RUNDC1: variants seen among roughly 807,000 people sequenced by gnomAD.
The protein encoded by RUNDC1 is RUN domain containing 1.
Under a neutral mutation model 49.3 loss-of-function variants are expected in RUNDC1, and 31 were observed. The observed-to-expected ratio is 0.63, with a 90% confidence interval of 0.47 to 0.85. The LOEUF is 0.85. RUNDC1 is among the 40% of genes least tolerant of loss of function. The pLI, the probability that RUNDC1 is intolerant of heterozygous loss-of-function variation, is 0.00. For missense variants in RUNDC1, 715 were observed against 806.7 expected (o/e 0.89, Z 1.38); for synonymous variants, 347 against 348.6 (o/e 1.00, Z 0.05).
At chr17:42,990,236 G>C in intron 3 of RUNDC1, 81 bp from the exon 4 acceptor site, 1 of 1,538,854 alleles carries the variant, frequency 6.5e-7, no homozygotes, top group Admixed American at 2.1e-5. Flanking sequence ...TTTCTAATAG[G>C]CACCATTAAG....
chr17:42,983,101 G>C (rs149427676), intron 1 of RUNDC1, among the ~76,000 whole-genome samples: 1 of 150,834 alleles, frequency 6.6e-6, no homozygotes, highest in African/African-American at 2.4e-5. Context: ...AGGATCACTT[G>C]AGCCCAGGAG....
At chr17:42,983,862 G>A (rs2050135242) in intron 1 of RUNDC1, among the ~76,000 whole-genome samples, 1 of 151,152 alleles carries the variant, frequency 6.6e-6, no homozygotes, top group Admixed American at 6.6e-5. Flanking sequence ...AGTAGAGATG[G>A]GGTTTTGCCA....
chr17:42,990,351 A>G lies in RUNDC1; in HGVS notation c.891A>G (p.Gly297=). 1.2e-6 allele frequency: 2 copies of G among 1,614,128 alleles called. No homozygotes were observed. Among genetic ancestry groups the G allele is most frequent in the Non-Finnish European group, 1.7e-6 (2 of 1,180,024 alleles). The change falls in exon 4 of 5, where the codon GGA becomes GGG. Residue 297 remains glycine, a synonymous_variant. Coordinates refer to ENST00000361677, the MANE Select transcript of RUNDC1 (RefSeq NM_173079.5). ...EVGSPLQTGG[G]HCECKAGGKT... ...GAAGCCCCTTGCAGACAGGTGGTGG[A>G]CACTGTGAGTGCAAGGCCGGTGGGA...
Position 42,989,341 on chromosome 17 carries a change from G to T in RUNDC1, c.658G>T (p.Val220Leu), listed in dbSNP as rs1272286639. 22 of 1,612,550 alleles carry T rather than the reference G, an allele frequency of 1.4e-5. No homozygotes were observed. Among genetic ancestry groups the T allele is most frequent in the Non-Finnish European group, 1.9e-5 (22 of 1,179,242 alleles). ...TGCTCATTGCTTGTGATCTTGGTAG[G>T]TGATCATAGATGAGTTAATAAAGAA... ...PQSVVLERQR[V>L]IIDELIKKLD... The change falls in exon 3 of 5, where the codon GTG (valine) becomes TTG (leucine). Residue 220 changes from valine to leucine, a missense_variant and splice_region_variant. Val to Leu is a conservative substitution (Grantham distance 32). This residue lies in a region of RUNDC1 where 425 missense variants were observed against 499.7 expected (regional missense o/e 0.85). Transcript: ENST00000361677.
chr17:42,988,003 T>C (rs1277562618), intron 2 of RUNDC1, among the ~76,000 whole-genome samples: 2 of 152,142 alleles, frequency 1.3e-5, no homozygotes, highest in Non-Finnish European at 2.9e-5. Flanking sequence ...CTGCCCACCT[T>C]GGCCTCCCAA....
chr17:42,993,819 C>T lies in RUNDC1; in HGVS notation c.*2103C>T, dbSNP rs946304024. Reference sequence around the variant, plus strand: ...TCTCCTCCTGCCCACGCCTGTAGTCCCTCCCCACAACAGATGTCATCACAC... The same window carrying T: ...TCTCCTCCTGCCCACGCCTGTAGTCTCTCCCCACAACAGATGTCATCACAC... On this transcript the variant is annotated 3_prime_UTR_variant, in exon 5 of 5. Transcript: ENST00000361677. The T allele has an allele frequency of 3.9e-5, 6 of 152,096 alleles. No homozygotes were observed. Among genetic ancestry groups the T allele is most frequent in the African/African-American group, 1.2e-4 (5 of 41,392 alleles). The allele number at this position is 152,096 out of a possible 1,614,324, so 9.4% of individuals were successfully genotyped here.
chr17:42,985,368 A>T (rs745448183), intron 1 of RUNDC1, among the ~76,000 whole-genome samples: 6 of 152,180 alleles, frequency 3.9e-5, no homozygotes, highest in South Asian at 2.1e-4. Context: ...TAGAAGTGTG[A>T]ACAACCTCTA....
chr17:42,980,589 G>T lies in RUNDC1; in HGVS notation c.13G>T (p.Glu5Ter), dbSNP rs372920205. 1.2e-6 allele frequency: 2 copies of T among 1,609,468 alleles called. No individual in the cohort carries two copies. Among genetic ancestry groups the T allele is most frequent in the African/African-American group, 1.3e-5 (1 of 74,934 alleles). Residue 5 changes from glutamate to a stop codon, truncating the protein, a stop_gained, in exon 1 of 5, where the codon GAA (glutamate) becomes TAA (stop). Transcript: ENST00000361677. LOFTEE classifies it high-confidence loss of function. ...TGTTTCCGGGAAGATGGCGGCTGTC[G>T]AAGCGGCTGCAGAGCCGGTAACGGT... MAAV[E>*]AAAEPVTVVA...
chr17:42,986,750 C>T (rs1256776791), intron 1 of RUNDC1, among the ~76,000 whole-genome samples: 4 of 151,984 alleles, frequency 2.6e-5, no homozygotes, highest in Admixed American at 6.6e-5. Flanking sequence ...CCACCCGCCT[C>T]GGCCTCCCAA....
intron 2 of RUNDC1, 131 bp from the exon 3 acceptor site, chr17:42,989,210 C>G (rs916595540): frequency 1.5e-6 from 1 of 661,126 alleles, no homozygotes; most frequent in Non-Finnish European, 2.6e-6. Context: ...GCAGTTAAGT[C>G]ATTTACTTTC....
intron 1 of RUNDC1, chr17:42,981,516 C>G (rs2050087428): frequency 6.0e-6 from 1 of 165,310 alleles, no homozygotes; most frequent in Middle Eastern, 2.5e-3. Flanking sequence ...TTTAGGTTAA[C>G]TCCCTGTCCC....
At position 42,990,861 on chromosome 17, in the gene RUNDC1, G is replaced by A; in HGVS notation, c.987G>A (p.Glu329=). ...GTCTTTTCTAAGCAGCAAAGGCAGAGGATGTGAAGAAAGTCCGGGAGACGG... is the reference window on the plus strand; with the variant it reads ...GTCTTTTCTAAGCAGCAAAGGCAGAAGATGTGAAGAAAGTCCGGGAGACGG... ...TPPGNSKTKA[E]DVKKVRETGL... The change falls in exon 5 of 5, where the codon GAG becomes GAA. Residue 329 remains glutamate, a synonymous_variant. Coordinates refer to ENST00000361677, the MANE Select transcript of RUNDC1 (RefSeq NM_173079.5). The A allele has an allele frequency of 1.3e-6, 2 of 1,593,408 alleles. No homozygotes were observed. Among genetic ancestry groups the A allele is most frequent in the Non-Finnish European group, 1.7e-6 (2 of 1,165,680 alleles).
chr17:42,985,632 T>A, intron 1 of RUNDC1: 9 of 380,816 alleles, frequency 2.4e-5, no homozygotes, highest in African/African-American at 2.6e-5. Flanking sequence ...TTCTTCTCTC[T>A]CATTACTTAC....
rs2050289261 is a variant in RUNDC1 at position 42,995,072 on chromosome 17, G to A, written c.*3356G>A. Among the ~76,000 whole-genome samples the A allele has an allele frequency of 6.6e-6, 1 of 151,760 alleles. No homozygotes were observed. Among genetic ancestry groups the A allele is most frequent in the Non-Finnish European group, 1.5e-5 (1 of 67,970 alleles). ...CTACCCCGTGCCCTCAACAAACACA[G>A]TCTAGCAAAGGAGATACCATACCAA... On this transcript the variant is annotated 3_prime_UTR_variant, in exon 5 of 5. Coordinates refer to ENST00000361677, the MANE Select transcript of RUNDC1 (RefSeq NM_173079.5).
intron 1 of RUNDC1, among the ~76,000 whole-genome samples, chr17:42,983,374 C>A (rs1419660475): frequency 6.8e-6 from 1 of 146,496 alleles, no homozygotes; most frequent in Non-Finnish European, 1.5e-5. Flanking sequence ...TTTTCTTTTT[C>A]CTTTTTTTTT....
intron 2 of RUNDC1, among the ~76,000 whole-genome samples, chr17:42,988,799 C>T (rs1000774878): frequency 1.3e-5 from 2 of 151,858 alleles, no homozygotes; most frequent in Non-Finnish European, 2.9e-5. Flanking sequence ...AGCAACATAA[C>T]GAGACCCTGT....
intron 4 of RUNDC1, 101 bp from the exon 5 acceptor site, chr17:42,990,750 A>T (rs1344389289): frequency 1.4e-6 from 2 of 1,409,942 alleles, no homozygotes; most frequent in Admixed American, 4.5e-5. Context: ...TTCATGTGAG[A>T]CCCAGCATGT....
chr17:42,981,034 G>A lies in RUNDC1; in HGVS notation c.458G>A (p.Gly153Glu), dbSNP rs1286753903. Residue 153 changes from glycine to glutamate, a missense_variant, in exon 1 of 5, where the codon GGG (glycine) becomes GAG (glutamate). Physicochemically the swap from Gly to Glu is moderately conservative, Grantham distance 98. This residue lies in a region of RUNDC1 where 113 missense variants were observed against 93.4 expected (regional missense o/e 1.21). Coordinates refer to ENST00000361677, the MANE Select transcript of RUNDC1 (RefSeq NM_173079.5). ...PGDPASDEGD[G>E]LPGDRPWLRG... ...GACCCCGCCAGCGATGAGGGCGATG[G>A]GCTGCCAGGGGACCGGCCATGGTTG... The A allele has an allele frequency of 2.6e-5, 41 of 1,555,612 alleles. No homozygotes were observed. The highest frequency in any genetic ancestry group is 3.5e-5 in the Non-Finnish European group (41 of 1,158,020).
chr17:42,982,395 T>C (rs2667945), intron 1 of RUNDC1, among the ~76,000 whole-genome samples: 12 of 152,060 alleles, frequency 7.9e-5, no homozygotes, highest in African/African-American at 2.9e-4. Flanking sequence ...TTGTTTATTT[T>C]AGTCTGAACT....
Sources: gnomAD v4.1 joint callset for allele counts (sites outside exome capture counted in the v4.1 genomes callset) on GRCh38, gnomAD v4.1.1 for gene constraint, gnomAD v4.1.1 regional missense constraint, MANE v1.5 for transcripts, NCBI Gene and HGNC (gene_info 2026-07-23, HGNC 2026-07-21) for gene names.